Variants in TUSC3 observed in about 807,000 individuals in gnomAD.
The protein encoded by TUSC3 is dolichyl-diphosphooligosaccharide--protein glycosyltransferase subunit TUSC3.
A neutral mutation model predicts 44.8 loss-of-function variants in TUSC3; 45 were observed. The observed-to-expected ratio is 1.00, with a 90% CI of 0.79 to 1.29. TUSC3 has a LOEUF of 1.29. Among genes scored for constraint, TUSC3 ranks in the 50% most tolerant of loss-of-function variants. The probability of loss-of-function intolerance (pLI) is 0.00; values close to 1 mark genes in which losing one functional copy is unlikely to be tolerated. For synonymous variants in TUSC3, 212 were observed against 152.9 expected, an observed-to-expected ratio of 1.39 and a Z score of -2.85; for missense variants, 519 against 437.9, an observed-to-expected ratio of 1.19 and a Z score of -1.65.
intron 9 of TUSC3, among the ~76,000 whole-genome samples, chr8:15,752,247 C>T (rs747679496): frequency 1.3e-5 from 2 of 151,744 alleles, no homozygotes; most frequent in South Asian, 2.1e-4. Context: ...TTTCATGAGC[C>T]GAAAGTCATA....
chr8:15,638,201 G>C (rs3788999), intron 2 of TUSC3, among the ~76,000 whole-genome samples: 1 of 149,508 alleles, frequency 6.7e-6, no homozygotes, highest in Non-Finnish European at 1.5e-5. Context: ...AGGATCCCTC[G>C]TACCCCTTTT....
At chr8:15,805,037 C>G in the TUSC3 span, among the ~76,000 whole-genome samples, 1 of 151,924 alleles carries the variant, frequency 6.6e-6, no homozygotes, top group Non-Finnish European at 1.5e-5. Flanking sequence ...TTGCAGAAAT[C>G]TTTCACTTCC....
intron 1 of TUSC3, among the ~76,000 whole-genome samples, chr8:15,417,646 A>T (rs955744142): frequency 6.6e-6 from 1 of 152,204 alleles, no homozygotes; most frequent in Non-Finnish European, 1.5e-5. Context: ...TACTAGAGAG[A>T]AAATATTGCT....
intron 6 of TUSC3, among the ~76,000 whole-genome samples, chr8:15,682,080 A>G (rs1360933100): frequency 6.6e-6 from 1 of 152,116 alleles, no homozygotes. Flanking sequence ...CTTTGTGACC[A>G]AGGATGTGAT....
chr8:15,467,678 G>A (rs994540823), intron 1 of TUSC3, among the ~76,000 whole-genome samples: 3 of 152,146 alleles, frequency 2.0e-5, no homozygotes, highest in Non-Finnish European at 4.4e-5. Flanking sequence ...ATCAGTAAGT[G>A]ACTTTTTGCC....
At chr8:15,440,634 TG>T (rs1397894020) in intron 1 of TUSC3, among the ~76,000 whole-genome samples, 5 of 152,208 alleles carry the variant, frequency 3.3e-5, no homozygotes, top group African/African-American at 1.2e-4. Context: ...ATTCTTTTAT[TG>T]ATTGCATTTT....
At chr8:15,659,102 A>G (rs1349325882) in intron 3 of TUSC3, among the ~76,000 whole-genome samples, 1 of 152,196 alleles carries the variant, frequency 6.6e-6, no homozygotes, top group Non-Finnish European at 1.5e-5. Flanking sequence ...TTTTTTAAAA[A>G]CAAATTCCAG....
chr8:15,623,507 A>G (rs1486795611), intron 2 of TUSC3, among the ~76,000 whole-genome samples: 1 of 152,102 alleles, frequency 6.6e-6, no homozygotes, highest in Non-Finnish European at 1.5e-5. Flanking sequence ...GATATCCTGC[A>G]GATTGCCTTG....
chr8:15,828,805 A>G, the TUSC3 span, among the ~76,000 whole-genome samples: 1 of 152,144 alleles, frequency 6.6e-6, no homozygotes, highest in Non-Finnish European at 1.5e-5. Context: ...CAAACTCTCT[A>G]AGGCTGAAAA....
intron 2 of TUSC3, among the ~76,000 whole-genome samples, chr8:15,483,884 C>G (rs954698136): frequency 3.3e-5 from 5 of 151,368 alleles, no homozygotes; most frequent in Non-Finnish European, 7.4e-5. Context: ...GTCTCGATCT[C>G]CTGACCTCGT....
At chr8:15,691,550 C>T (rs1162691464) in intron 6 of TUSC3, among the ~76,000 whole-genome samples, 1 of 152,054 alleles carries the variant, frequency 6.6e-6, no homozygotes, top group African/African-American at 2.4e-5. Flanking sequence ...TACCATGTTG[C>T]ATTGGAGTGG....
At chr8:15,672,883 T>G (rs757198686) in intron 5 of TUSC3, among the ~76,000 whole-genome samples, 2 of 152,054 alleles carry the variant, frequency 1.3e-5, no homozygotes, top group African/African-American at 2.4e-5. Context: ...TATTGTTATT[T>G]TTGGTACAAA....
intron 2 of TUSC3, among the ~76,000 whole-genome samples, chr8:15,510,860 A>G (rs7819475): frequency 0.042 from 6,408 of 152,278 alleles, 432 homozygotes; most frequent in African/African-American, 0.14. Context: ...TTAACAGTGT[A>G]TGGAATCACT....
chr8:15,585,166 T>A (rs1016596083), intron 1 of TUSC3, among the ~76,000 whole-genome samples: 1 of 152,140 alleles, frequency 6.6e-6, no homozygotes, highest in East Asian at 1.9e-4. Flanking sequence ...GTTGCCTAAC[T>A]GGCGTTAGGA....
At chr8:15,728,547 C>T (rs1323708602) in intron 6 of TUSC3, among the ~76,000 whole-genome samples, 2 of 151,898 alleles carry the variant, frequency 1.3e-5, no homozygotes, top group African/African-American at 4.8e-5. Flanking sequence ...AAGGTGATTC[C>T]AGGATTTTTG....
intron 1 of TUSC3, among the ~76,000 whole-genome samples, chr8:15,545,713 G>A (rs1801841017): frequency 6.6e-6 from 1 of 151,700 alleles, no homozygotes; most frequent in South Asian, 2.1e-4. Flanking sequence ...CACAGAGAAG[G>A]GGAAAGAGTG....
chr8:15,847,961 G>A, the TUSC3 span, among the ~76,000 whole-genome samples: 8,768 of 152,184 alleles, frequency 0.058, 513 homozygotes, highest in East Asian at 0.2. Context: ...ATTAATTGCT[G>A]CATATAAATC....
the TUSC3 span, among the ~76,000 whole-genome samples, chr8:15,826,917 G>A: frequency 6.6e-6 from 1 of 152,100 alleles, no homozygotes; most frequent in Non-Finnish European, 1.5e-5. Context: ...GATAAAAATA[G>A]GGAAGCTCTC....
chr8:15,656,884 C>G (rs1024432914), intron 3 of TUSC3, among the ~76,000 whole-genome samples: 1 of 152,202 alleles, frequency 6.6e-6, no homozygotes, highest in Non-Finnish European at 1.5e-5. Context: ...AGCTAGTGCC[C>G]AGAATGCTGC....
Sources: gnomAD v4.1 joint callset for allele counts (sites outside exome capture counted in the v4.1 genomes callset) on GRCh38, gnomAD v4.1.1 for gene constraint, MANE v1.5 for transcripts, NCBI Gene and HGNC (gene_info 2026-07-23, HGNC 2026-07-21) for gene names.